The following PPARGC1A variants were observed in gnomAD, a reference collection of about 807,000 sequenced individuals.
PPARGC1A encodes the protein PPARG coactivator 1 alpha.
PPARGC1A carries 25 observed loss-of-function variants against 88.7 expected under a neutral mutation model. That is an observed-to-expected ratio of 0.28 (90% CI 0.21 to 0.39). The LOEUF is 0.39. Ranked by LOEUF, PPARGC1A falls within the 10% of genes least tolerant of loss-of-function variation. The probability of loss-of-function intolerance (pLI) is 1.00; values close to 1 mark genes in which losing one functional copy is unlikely to be tolerated. For missense variants in PPARGC1A, 880 were observed against 968.7 expected, an observed-to-expected ratio of 0.91 and a Z score of 1.22; for synonymous variants, 363 against 355.6, an observed-to-expected ratio of 1.02 and a Z score of -0.24.
chr4:23,835,113 T>C (rs749535001), intron 2 of PPARGC1A, among the ~76,000 whole-genome samples: 12 of 152,212 alleles, frequency 7.9e-5, no homozygotes, highest in Non-Finnish European at 1.8e-4. Context: ...AATGGATAAT[T>C]TTGTTTACTA....
chr4:23,797,844 T>C (rs1577318830), intron 12 of PPARGC1A, among the ~76,000 whole-genome samples: 1 of 152,316 alleles, frequency 6.6e-6, no homozygotes, highest in African/African-American at 2.4e-5. Flanking sequence ...AAAAATGTTA[T>C]AGGTGTCAGG....
At chr4:23,841,195 A>G (rs114451116) in intron 2 of PPARGC1A, among the ~76,000 whole-genome samples, 8 of 152,106 alleles carry the variant, frequency 5.3e-5, no homozygotes. Flanking sequence ...TGAAGAGATA[A>G]TCATGCCAGA....
the PPARGC1A span, among the ~76,000 whole-genome samples, chr4:23,954,378 G>T: frequency 6.6e-6 from 1 of 151,930 alleles, no homozygotes; most frequent in East Asian, 1.9e-4. Flanking sequence ...CATTTTAGAG[G>T]CTCTCTGGAC....
chr4:23,811,325 C>T (rs923808328), intron 10 of PPARGC1A, among the ~76,000 whole-genome samples: 2 of 116,168 alleles, frequency 1.7e-5, no homozygotes, highest in African/African-American at 3.3e-5. Flanking sequence ...CTAACCTTTA[C>T]AGTCAAAAAT....
the PPARGC1A span, among the ~76,000 whole-genome samples, chr4:24,124,845 G>A: frequency 6.6e-6 from 1 of 152,202 alleles, no homozygotes; most frequent in East Asian, 1.9e-4. Context: ...TTTTATTCTT[G>A]TTTTGTATTC....
the PPARGC1A span, among the ~76,000 whole-genome samples, chr4:24,404,388 A>G: frequency 6.6e-6 from 1 of 152,150 alleles, no homozygotes; most frequent in African/African-American, 2.4e-5. Flanking sequence ...AAACACAAGC[A>G]GAATATCAGC....
chr4:23,991,886 C>T, the PPARGC1A span, among the ~76,000 whole-genome samples: 1 of 152,014 alleles, frequency 6.6e-6, no homozygotes, highest in African/African-American at 2.4e-5. Context: ...AAAAAAATAG[C>T]AAGAAATCTT....
chr4:24,055,677 T>C, the PPARGC1A span, among the ~76,000 whole-genome samples: 3 of 152,202 alleles, frequency 2.0e-5, no homozygotes, highest in South Asian at 4.1e-4. Context: ...GGAACTTCAG[T>C]TGGGAGAGCT....
At chr4:24,335,171 GTC>G in the PPARGC1A span, among the ~76,000 whole-genome samples, 5 of 152,208 alleles carry the variant, frequency 3.3e-5, no homozygotes, top group African/African-American at 1.2e-4. Context: ...AAGGTAAGCA[GTC>G]AATACATGGA....
the PPARGC1A span, among the ~76,000 whole-genome samples, chr4:24,393,578 G>A: frequency 6.6e-6 from 1 of 152,228 alleles, no homozygotes; most frequent in Non-Finnish European, 1.5e-5. Context: ...AAAGGAGGAT[G>A]CAAAGGAGTT....
the PPARGC1A span, among the ~76,000 whole-genome samples, chr4:24,107,126 TA>T: frequency 1.2e-4 from 19 of 152,254 alleles, no homozygotes; most frequent in Non-Finnish European, 2.2e-4. Flanking sequence ...GCATCATTTA[TA>T]AACACAAAAA....
At chr4:24,073,548 A>G in the PPARGC1A span, among the ~76,000 whole-genome samples, 1 of 152,210 alleles carries the variant, frequency 6.6e-6, no homozygotes, top group East Asian at 1.9e-4. Context: ...GAAACAAGCC[A>G]ACAACATGAG....
At chr4:23,829,855 C>T (rs1264525133) in intron 3 of PPARGC1A, among the ~76,000 whole-genome samples, 1 of 152,004 alleles carries the variant, frequency 6.6e-6, no homozygotes, top group Non-Finnish European at 1.5e-5. Flanking sequence ...AACAAAAATG[C>T]AAATGTGCCA....
the PPARGC1A span, among the ~76,000 whole-genome samples, chr4:24,114,062 C>T: frequency 0.26 from 38,305 of 146,936 alleles, 5,485 homozygotes; most frequent in East Asian, 0.58. Context: ...AGGTGGAGAC[C>T]GCAGTGAGCC....
the PPARGC1A span, among the ~76,000 whole-genome samples, chr4:24,436,995 G>GA: frequency 6.6e-6 from 1 of 152,248 alleles, no homozygotes; most frequent in Non-Finnish European, 1.5e-5. Context: ...TGAGCAGGGG[G>GA]AACACATGGG....
At chr4:24,471,680 C>T in the PPARGC1A span, among the ~76,000 whole-genome samples, 10 of 152,168 alleles carry the variant, frequency 6.6e-5, no homozygotes, top group Non-Finnish European at 1.5e-4. The surrounding 1 kb of genome is among the most constrained non-coding windows in gnomAD (Gnocchi z 5.4). Flanking sequence ...CCGACACGCA[C>T]ACCTACAGGC....
At chr4:24,364,229 T>C in the PPARGC1A span, among the ~76,000 whole-genome samples, 1 of 152,200 alleles carries the variant, frequency 6.6e-6, no homozygotes, top group Admixed American at 6.5e-5. Flanking sequence ...TGCTTGAGGC[T>C]TATTCATAAT....
the PPARGC1A span, among the ~76,000 whole-genome samples, chr4:24,217,257 G>T: frequency 6.6e-6 from 1 of 152,192 alleles, no homozygotes; most frequent in Non-Finnish European, 1.5e-5. Context: ...TTGTAGCCCT[G>T]CTTCAACTAC....
At chr4:24,082,085 C>T in the PPARGC1A span, among the ~76,000 whole-genome samples, 25 of 152,232 alleles carry the variant, frequency 1.6e-4, no homozygotes, top group East Asian at 4.1e-3. Context: ...ATTGTTCACC[C>T]GAACTCCTCT....
Sources: allele counts gnomAD v4.1 joint callset (sites outside exome capture counted in the v4.1 genomes callset), GRCh38; gene constraint gnomAD v4.1.1; non-coding constraint Gnocchi (gnomAD v3.1); transcripts MANE v1.5; gene names NCBI Gene and HGNC (gene_info 2026-07-23, HGNC 2026-07-21).